The following ASXL3 variants were observed in gnomAD, a reference collection of about 807,000 sequenced individuals.
The protein encoded by ASXL3 is ASXL transcriptional regulator 3.
ASXL3 carries 34 observed loss-of-function variants against 170.6 expected under a neutral mutation model. The ratio of observed to expected loss-of-function variants is 0.20; its 90% CI spans 0.15 to 0.27. The LOEUF is 0.27. Ranked by LOEUF, ASXL3 falls within the 10% of genes least tolerant of loss-of-function variation. The pLI, the probability that ASXL3 is intolerant of heterozygous loss-of-function variation, is 1.00. For synonymous variants in ASXL3, 1,002 were observed against 989.1 expected, an observed-to-expected ratio of 1.01 and a Z score of -0.24; for missense variants, 2,592 against 2,695.3, an observed-to-expected ratio of 0.96 and a Z score of 0.85.
intron 9 of ASXL3, among the ~76,000 whole-genome samples, chr18:33,734,044 T>TGCTTTAGCATTCTTCCAAAGCATTTA (rs2067500465): frequency 1.2e-5 from 1 of 84,932 alleles, no homozygotes; most frequent in Non-Finnish European, 2.2e-5. Context: ...ATTTGCTAAA[T>TGCTTTAGCATTCTTCCAAAGCATTTA]GCTTTAGCAT....
intron 7 of ASXL3, among the ~76,000 whole-genome samples, chr18:33,679,447 C>A (rs1435748135): frequency 2.6e-5 from 4 of 152,020 alleles, no homozygotes; most frequent in Admixed American, 2.0e-4. Flanking sequence ...GTAAGATTGG[C>A]TAATACAGTC....
chr18:33,624,465 A>G (rs1400629985), intron 2 of ASXL3, among the ~76,000 whole-genome samples: 1 of 152,088 alleles, frequency 6.6e-6, no homozygotes, highest in Non-Finnish European at 1.5e-5. Context: ...TGGTGGAGGC[A>G]GTGGTGATAT....
chr18:33,648,853 A>G (rs2145206840), intron 4 of ASXL3, among the ~76,000 whole-genome samples: 1 of 152,190 alleles, frequency 6.6e-6, no homozygotes, highest in East Asian at 1.9e-4. Context: ...AAGTGACTCA[A>G]ATGTGTCAAT....
chr18:33,674,622 CTT>C (rs746869542), intron 7 of ASXL3, among the ~76,000 whole-genome samples: 3 of 145,958 alleles, frequency 2.1e-5, no homozygotes. Flanking sequence ...TAACCCATGT[CTT>C]TTTTTTTTTT....
chr18:33,738,044 T>C (rs936366930), intron 10 of ASXL3, among the ~76,000 whole-genome samples: 1 of 152,160 alleles, frequency 6.6e-6, no homozygotes, highest in East Asian at 1.9e-4. Flanking sequence ...GGCTCGTATC[T>C]CCTTACTTTA....
Position 33,744,069 on chromosome 18 carries a change from G to C in ASXL3, c.4221G>C (p.Leu1407=). The C allele has an allele frequency of 6.2e-7, 1 of 1,614,008 alleles. No individual in the cohort carries two copies. The highest frequency in any genetic ancestry group is 8.5e-7 in the Non-Finnish European group (1 of 1,179,902). Residue 1407 remains leucine (L), a synonymous_variant, in exon 12 of 12, where the codon CTG becomes CTC. Transcript: ENST00000269197. ...ATTCTGTAGCGGTCACAGACTCTCT[G>C]GTTGCACACCCGACCGTCGCAATGT... ...CSDSVAVTDS[L]VAHPTVAMFT... is the part of the protein sequence containing the mutation.
Position 33,661,665 on chromosome 18 carries a change from C to A in ASXL3, c.405C>A (p.Ser135Arg). 6.2e-7 allele frequency: 1 copy of A among 1,612,448 alleles called. No homozygotes were observed. The highest frequency in any genetic ancestry group is 8.5e-7 in the Non-Finnish European group (1 of 1,179,106). Residue 135 changes from serine (S) to arginine (R), a missense_variant, in exon 5 of 12, where the codon AGC (serine) becomes AGA (arginine). Around this residue, in one of 4 missense-constraint regions of ASXL3, gnomAD observed 251 missense variants for 281.9 expected, o/e 0.89. Coordinates refer to ENST00000269197, the MANE Select transcript of ASXL3 (RefSeq NM_030632.3). ...TDEASSTRDS[S>R]LTNTAVQSKL... ...AAGCATCTTCCACTCGAGATTCAAG[C>A]CTTACTAACACAGCAGTGCAAAGCA...
rs777399524 is a variant in ASXL3, at chr18:33,698,949, G to A, written c.879+15381G>A. Among the ~76,000 whole-genome samples the A allele has an allele frequency of 1.2e-4, 19 of 152,214 alleles. 1 individual carries two copies. Among genetic ancestry groups the A allele is most frequent in the Non-Finnish European group, 1.5e-4 (10 of 68,006 alleles). ...CTCATGGCCAAGGCTGTGCCCGTTC[G>A]TGCTATAGGGAAAGTTGCTTCACTA... On this transcript the variant is annotated intron_variant, in intron 8 of 11. Transcript: ENST00000269197.
chr18:33,667,812 A>G (rs1486792174), intron 5 of ASXL3, among the ~76,000 whole-genome samples: 2 of 152,256 alleles, frequency 1.3e-5, no homozygotes, highest in Non-Finnish European at 2.9e-5. Flanking sequence ...CTTCACTAAA[A>G]TGTGGAATAA....
chr18:33,725,705 C>T (rs1340363649), intron 8 of ASXL3, among the ~76,000 whole-genome samples: 2 of 152,090 alleles, frequency 1.3e-5, no homozygotes, highest in Non-Finnish European at 2.9e-5. Flanking sequence ...TCAACATATC[C>T]AAAGCCTTCA....
chr18:33,641,074 T>A lies in ASXL3; in HGVS notation c.138-3820T>A, dbSNP rs1427658862. Among the ~76,000 whole-genome samples the A allele has an allele frequency of 2.0e-5, 3 of 152,152 alleles. No homozygotes were observed. In the East Asian group the frequency reaches 5.8e-4, roughly 29 times the overall value. ...TCAATTATATTTTCTTTGTCATGCC[T>A]GCAAATAGTCTTCCAATTGCATTCC... On this transcript the variant is annotated intron_variant, in intron 2 of 11. Coordinates refer to ENST00000269197, the MANE Select transcript of ASXL3 (RefSeq NM_030632.3).
intron 2 of ASXL3, among the ~76,000 whole-genome samples, chr18:33,640,572 G>A (rs1252324196): frequency 6.6e-6 from 1 of 151,908 alleles, no homozygotes; most frequent in Non-Finnish European, 1.5e-5. Context: ...AATAATTTTC[G>A]TGAAGTATAT....
At chr18:33,683,375 A>G (rs758121861) in intron 7 of ASXL3, 30 bp from the exon 8 acceptor site, 1 of 1,590,880 alleles carries the variant, frequency 6.3e-7, no homozygotes, top group Non-Finnish European at 8.6e-7. Context: ...TACCTGTAGT[A>G]AATTCATGCC....
intron 8 of ASXL3, among the ~76,000 whole-genome samples, chr18:33,709,666 C>T (rs1307326231): frequency 6.6e-6 from 1 of 152,178 alleles, no homozygotes; most frequent in Non-Finnish European, 1.5e-5. Flanking sequence ...GTTTCTTAAT[C>T]TTGTTGCTGA....
At chr18:33,587,866 A>G (rs2065047074) in intron 1 of ASXL3, among the ~76,000 whole-genome samples, 1 of 152,048 alleles carries the variant, frequency 6.6e-6, no homozygotes, top group African/African-American at 2.4e-5. Context: ...AAGTCGGCTG[A>G]TTATTTTTTA....
At position 33,743,135 on chromosome 18, in the gene ASXL3, C is replaced by G; in HGVS notation, c.3287C>G (p.Thr1096Arg). 6.2e-7 allele frequency: 1 copy of G among 1,613,842 alleles called. No individual in the cohort carries two copies. The highest frequency in any genetic ancestry group is 8.5e-7 in the Non-Finnish European group (1 of 1,179,862). The change falls in exon 12 of 12, where the codon ACG (threonine) becomes AGG (arginine). Residue 1096 changes from threonine to arginine, a missense_variant. Physicochemically the swap from Thr to Arg is moderately conservative, Grantham distance 71. Around this residue, in one of 4 missense-constraint regions of ASXL3, gnomAD observed 2,246 missense variants for 2,219.6 expected, o/e 1.01. Transcript: ENST00000269197. The stretch of plus-strand genomic sequence containing the variant: ...GGAAGTCCAGGAGAGGGTGGAAAGA[C>G]GAGAACTCTGGCACACATCAAAGAG... ...AMGSPGEGGK[T>R]RTLAHIKEQT...
intron 4 of ASXL3, among the ~76,000 whole-genome samples, chr18:33,657,372 A>G (rs1274675898): frequency 6.6e-6 from 1 of 152,060 alleles, no homozygotes; most frequent in Non-Finnish European, 1.5e-5. Context: ...GTGAGACAAG[A>G]GAGATAGATC....
intron 4 of ASXL3, among the ~76,000 whole-genome samples, chr18:33,658,481 T>C (rs1349113561): frequency 6.6e-6 from 1 of 152,166 alleles, no homozygotes; most frequent in Non-Finnish European, 1.5e-5. Flanking sequence ...AAAAAAGGTC[T>C]GTATTTGTCA....
chr18:33,629,511 A>T (rs2065647147), intron 2 of ASXL3, among the ~76,000 whole-genome samples: 1 of 152,102 alleles, frequency 6.6e-6, no homozygotes, highest in Non-Finnish European at 1.5e-5. Flanking sequence ...GCCATGGTTT[A>T]ATCAGTTGCC....
Sources: gnomAD v4.1 joint callset for allele counts (sites outside exome capture counted in the v4.1 genomes callset) on GRCh38, gnomAD v4.1.1 for gene constraint, gnomAD v4.1.1 regional missense constraint, MANE v1.5 for transcripts, NCBI Gene and HGNC (gene_info 2026-07-23, HGNC 2026-07-21) for gene names.